Variants in SACS observed in about 807,000 individuals in gnomAD.
SACS encodes sacsin molecular chaperone.
A neutral mutation model predicts 348.0 loss-of-function variants in SACS; 197 were observed. That is an observed-to-expected ratio of 0.57 (90% CI 0.50 to 0.64). The LOEUF (loss-of-function observed/expected upper bound fraction) is 0.64. Ranked by LOEUF, SACS falls within the 30% of genes least tolerant of loss-of-function variation. The pLI, the probability that SACS is intolerant of heterozygous loss-of-function variation, is 0.00. For synonymous variants in SACS, 1,985 were observed against 1,910.6 expected, an observed-to-expected ratio of 1.04 and a Z score of -1.02; for missense variants, 4,999 against 5,360.8, an observed-to-expected ratio of 0.93 and a Z score of 2.11.
intron 7 of SACS, among the ~76,000 whole-genome samples, 177 bp downstream of exon 7, chr13:23,358,158 G>T (rs188903183): frequency 6.6e-6 from 1 of 152,132 alleles, no homozygotes. Context: ...TGTTACTGTG[G>T]TAATTTCAGA....
intron 1 of SACS, chr13:23,428,597 A>G (rs1445414259): frequency 6.6e-6 from 1 of 152,224 alleles, no homozygotes; most frequent in East Asian, 1.9e-4. Flanking sequence ...TAGTTTCTAG[A>G]GCACAAAAGG....
At chr13:23,389,088 AT>A in intron 2 of SACS, among the ~76,000 whole-genome samples, 1 of 152,238 alleles carries the variant, frequency 6.6e-6, no homozygotes, top group Non-Finnish European at 1.5e-5. Flanking sequence ...GGAAACTTGT[AT>A]GTGTCAATTA....
intron 2 of SACS, 29 bp downstream of exon 2, chr13:23,411,191 A>G (rs1486566895): frequency 6.3e-7 from 1 of 1,578,678 alleles, no homozygotes; most frequent in Admixed American, 1.7e-5. Context: ...AATGCAAATT[A>G]TTGTCATTTA....
intron 1 of SACS, among the ~76,000 whole-genome samples, chr13:23,420,291 G>A (rs1873874137): frequency 6.6e-6 from 1 of 152,204 alleles, no homozygotes; most frequent in Non-Finnish European, 1.5e-5. Context: ...GATGGGGTCT[G>A]ACAGTCAACT....
Position 23,333,416 on chromosome 13 carries a change from T to C in SACS, c.10460A>G (p.Asn3487Ser), listed in dbSNP as rs1013909354. 1 of 1,609,854 alleles carries C rather than the reference T, an allele frequency of 6.2e-7. No individual in the cohort carries two copies. The change falls in exon 10 of 10, where the codon AAT (asparagine) becomes AGT (serine). Residue 3487 changes from asparagine (N) to serine (S), a missense_variant. Physicochemically the swap from Asn to Ser is conservative, Grantham distance 46. This residue lies in a region of SACS where 734 missense variants were observed against 694.0 expected (regional missense o/e 1.06). Coordinates refer to ENST00000382292, the MANE Select transcript of SACS (RefSeq NM_014363.6). Reference sequence around the variant, plus strand: ...CTCTAATTTTGCATCATAAGAGAGATTTTCAATTTTTGGTAAGAGGTGTTT... The same window carrying C: ...CTCTAATTTTGCATCATAAGAGAGACTTTCAATTTTTGGTAAGAGGTGTTT... The part of the protein sequence containing the change: ...YLKHLLPKIE[N>S]LSYDAKLEHL...
rs144760010 is a variant in SACS, at chr13:23,425,115, G to T, written c.-502+8500C>A. On this transcript the variant is annotated intron_variant, in intron 1 of 9. Transcript: ENST00000382292. The stretch of plus-strand genomic sequence containing the variant: ...ATCTGGACACTGGTGTCCACTTGGG[G>T]CCTGACGTCCACCTCGAGCTGGATG... 2.1e-4 allele frequency among the ~76,000 whole-genome samples: 32 copies of T among 152,166 alleles called. No homozygotes were observed. In the East Asian group the frequency reaches 6.2e-3, roughly 29 times the overall value.
chr13:23,376,374 A>G (rs1871804247), intron 2 of SACS, among the ~76,000 whole-genome samples: 2 of 151,888 alleles, frequency 1.3e-5, no homozygotes, highest in Non-Finnish European at 2.9e-5. Context: ...TTAGGTATAT[A>G]TGATACACAT....
chr13:23,418,060 CAAA>C (rs34026983), intron 1 of SACS, among the ~76,000 whole-genome samples: 10 of 119,108 alleles, frequency 8.4e-5, no homozygotes, highest in Non-Finnish European at 1.0e-4. Flanking sequence ...GATTCTGTCT[CAAA>C]AAAAAAAAAA....
intron 1 of SACS, among the ~76,000 whole-genome samples, chr13:23,423,058 T>C (rs934091063): frequency 5.3e-5 from 8 of 152,202 alleles, no homozygotes; most frequent in African/African-American, 1.9e-4. Context: ...ATCAGGCCTA[T>C]ATATAAACAT....
intron 2 of SACS, among the ~76,000 whole-genome samples, chr13:23,404,587 A>G (rs1250584083): frequency 6.6e-6 from 1 of 152,210 alleles, no homozygotes; most frequent in African/African-American, 2.4e-5. Flanking sequence ...ATCAGGCAAG[A>G]GAAAGAAATA....
rs946209349 is a variant in SACS, at chr13:23,423,524, G to A, written c.-502+10091C>T. On this transcript the variant is annotated intron_variant, in intron 1 of 9. Coordinates refer to ENST00000382292, the MANE Select transcript of SACS (RefSeq NM_014363.6). The stretch of plus-strand genomic sequence containing the variant: ...TCTGTTAAACAAGTTCCAAAAGGAC[G>A]TATTGTAGAATCTAAGTAATGACAT... 1.8e-4 allele frequency among the ~76,000 whole-genome samples: 27 copies of A among 152,258 alleles called. No individual in the cohort carries two copies. In the South Asian group the frequency reaches 3.3e-3, roughly 19 times the overall value.
intron 9 of SACS, among the ~76,000 whole-genome samples, chr13:23,344,742 C>G (rs1358606234): frequency 1.3e-5 from 2 of 152,176 alleles, no homozygotes; most frequent in Non-Finnish European, 2.9e-5. Flanking sequence ...AGCTACAGTA[C>G]TGAAATTATT....
chr13:23,405,672 A>G (rs1388860289), intron 2 of SACS, among the ~76,000 whole-genome samples: 1 of 152,196 alleles, frequency 6.6e-6, no homozygotes, highest in African/African-American at 2.4e-5. Flanking sequence ...TCCAGAATCT[A>G]CAAGGAACTT....
Position 23,340,652 on chromosome 13 carries a change from G to T in SACS, c.3224C>A (p.Pro1075His). 6.2e-7 allele frequency: 1 copy of T among 1,600,354 alleles called. No individual in the cohort carries two copies. The highest frequency in any genetic ancestry group is 8.5e-7 in the Non-Finnish European group (1 of 1,175,906). ...FCNEEGTYFP[P>H]SVFTSPDILH... ...AATATCTGGTGAGGTAAAAACTGAG[G>T]GTGGGAAATAGGTTCCTTCTTCATT... The change falls in exon 10 of 10, where the codon CCC becomes CAC. Residue 1075 changes from proline (P) to histidine (H), a missense_variant. Transcript: ENST00000382292.
chr13:23,409,056 T>TTTTTTTTTTTTTTTTTTTTTTTTTTG (rs1873365359), intron 2 of SACS, among the ~76,000 whole-genome samples: 1 of 78,864 alleles, frequency 1.3e-5, no homozygotes, highest in African/African-American at 5.0e-5. Context: ...TTTTTTTTTT[T>TTTTTTTTTTTTTTTTTTTTTTTTTTG]TTTTTTTTTT....
In SACS at chr13:23,336,288, T is replaced by C. The variant is rs1868586127; in HGVS notation, c.7588A>G (p.Ser2530Gly). 7 of 1,614,108 alleles carry C rather than the reference T, an allele frequency of 4.3e-6. No homozygotes were observed. The highest frequency in any genetic ancestry group is 5.9e-6 in the Non-Finnish European group (7 of 1,179,964). The change falls in exon 10 of 10, where the codon AGC becomes GGC. Residue 2530 changes from serine (S) to glycine (G), a missense_variant. This residue lies in a region of SACS where 3,156 missense variants were observed against 3,380.1 expected (regional missense o/e 0.93). Transcript: ENST00000382292. ...GCATTAAGGATGCTCTTAATTCTGCTGGTCAATTTTTCTTTCTGCCCAAAT... is the reference window on the plus strand; with the variant it reads ...GCATTAAGGATGCTCTTAATTCTGCCGGTCAATTTTTCTTTCTGCCCAAAT... ...TEFGQKEKLT[S>G]RIKSILNAYP...
rs768538342 is a variant in SACS at position 23,333,227 on chromosome 13, A to AGTTAT, written c.10648_10649insATAAC (p.Val3550AspfsTer23). On this transcript the variant is annotated frameshift_variant, in exon 10 of 10. Coordinates refer to ENST00000382292, the MANE Select transcript of SACS (RefSeq NM_014363.6). LOFTEE classifies it high-confidence loss of function. ...AATAAACAATTTTTCAGGAAGCATAACTTCAAAAACTCTCACAGTTCTATC... is the reference window on the plus strand; with the variant it reads ...AATAAACAATTTTTCAGGAAGCATAAGTTATCTTCAAAAACTCTCACAGTTCTATC... 1.9e-6 allele frequency: 3 copies of AGTTAT among 1,597,682 alleles called. No individual in the cohort carries two copies. Among genetic ancestry groups the AGTTAT allele is most frequent in the Non-Finnish European group, 2.6e-6 (3 of 1,173,284 alleles).
At chr13:23,342,879 T>C (rs964779613) in intron 9 of SACS, among the ~76,000 whole-genome samples, 2 of 152,222 alleles carry the variant, frequency 1.3e-5, no homozygotes, top group Non-Finnish European at 2.9e-5. Context: ...TTCTGGGACT[T>C]GAATTCTCTC....
chr13:23,394,491 A>G lies in SACS; in HGVS notation c.20+16729T>C, dbSNP rs575774234. On this transcript the variant is annotated intron_variant, in intron 2 of 9. Transcript: ENST00000382292. ...GCAATAGCCCTAAAAAGTCTTCCTCACCATTTAAACAAATGTCAGAATAAT... is the reference window on the plus strand; with the variant it reads ...GCAATAGCCCTAAAAAGTCTTCCTCGCCATTTAAACAAATGTCAGAATAAT... Among the ~76,000 whole-genome samples the G allele has an allele frequency of 4.7e-4, 71 of 152,302 alleles. 1 individual carries two copies. In the South Asian group the frequency reaches 0.01, roughly 22 times the overall value.
Sources: gnomAD v4.1 joint callset for allele counts (sites outside exome capture counted in the v4.1 genomes callset) on GRCh38, gnomAD v4.1.1 for gene constraint, gnomAD v4.1.1 regional missense constraint, MANE v1.5 for transcripts, NCBI Gene and HGNC (gene_info 2026-07-23, HGNC 2026-07-21) for gene names.